The following PKNOX2 variants were observed in gnomAD, a reference collection of about 807,000 sequenced individuals.
The protein encoded by PKNOX2 is homeobox protein PKNOX2.
PKNOX2 carries 14 observed loss-of-function variants against 53.1 expected under a neutral mutation model. That is an observed-to-expected ratio of 0.26 (90% CI 0.17 to 0.41). The LOEUF (loss-of-function observed/expected upper bound fraction) is 0.41. Among genes scored for constraint, PKNOX2 ranks in the 10% least tolerant of loss-of-function variants. The pLI, the probability that PKNOX2 is intolerant of heterozygous loss-of-function variation, is 1.00. For missense variants in PKNOX2, 496 were observed against 602.8 expected (o/e 0.82, Z 1.85); for synonymous variants, 257 against 242.8 (o/e 1.06, Z -0.54).
chr11:125,242,357 G>A (rs1431688495), intron 2 of PKNOX2, among the ~76,000 whole-genome samples: 1 of 152,136 alleles, frequency 6.6e-6, no homozygotes, highest in Non-Finnish European at 1.5e-5. Flanking sequence ...ACCCCCACCT[G>A]CCCATCCACC....
chr11:125,321,864 G>A (rs1949529162), intron 2 of PKNOX2, among the ~76,000 whole-genome samples: 1 of 152,218 alleles, frequency 6.6e-6, no homozygotes, highest in Non-Finnish European at 1.5e-5. Context: ...AGCAGATTCA[G>A]TGTTTAGTGA....
intron 4 of PKNOX2, among the ~76,000 whole-genome samples, chr11:125,356,834 G>C (rs1951645768): frequency 1.3e-5 from 2 of 152,234 alleles, no homozygotes; most frequent in African/African-American, 4.8e-5. Context: ...AAAAGGGGGT[G>C]GCTGGGGCCC....
intron 3 of PKNOX2, among the ~76,000 whole-genome samples, chr11:125,350,990 C>CCTCCCCACA (rs1324793775): frequency 6.6e-6 from 1 of 152,164 alleles, no homozygotes; most frequent in African/African-American, 2.4e-5. Context: ...CTTCGTGCCC[C>CCTCCCCACA]CTCCCCACAC....
chr11:125,361,648 G>A (rs1253368592), intron 4 of PKNOX2, among the ~76,000 whole-genome samples: 2 of 152,122 alleles, frequency 1.3e-5, no homozygotes, highest in African/African-American at 2.4e-5. Context: ...TGCCATGTTG[G>A]TGTGCTGCAC....
rs1478647387 is a variant in PKNOX2 at position 125,165,773 on chromosome 11, A to C, written c.-201+997A>C. On this transcript the variant is annotated intron_variant, in intron 1 of 12. Coordinates refer to ENST00000298282, the MANE Select transcript of PKNOX2 (RefSeq NM_001382323.2). This position sits in a 1 kb window ranked among gnomAD's most constrained non-coding sequence, Gnocchi z 4.5. ...GGGAATCGGGAGCCCTTCTGGCTCG[A>C]GAACTAGGGGATGAGTTCGTAAAAG... Among the ~76,000 whole-genome samples, 4 of 152,226 alleles carry C rather than the reference A, an allele frequency of 2.6e-5. No homozygotes were observed. Among genetic ancestry groups the C allele is most frequent in the Non-Finnish European group, 5.9e-5 (4 of 68,030 alleles).
intron 1 of PKNOX2, among the ~76,000 whole-genome samples, chr11:125,213,558 C>T (rs1463277012): frequency 6.6e-6 from 1 of 152,046 alleles, no homozygotes; most frequent in Non-Finnish European, 1.5e-5. Flanking sequence ...CCTAGGCTCA[C>T]GTGCTTCTCC....
chr11:125,172,959 A>G (rs1955436972), intron 1 of PKNOX2, among the ~76,000 whole-genome samples: 1 of 152,202 alleles, frequency 6.6e-6, no homozygotes, highest in African/African-American at 2.4e-5. Context: ...GCTTCTTCAT[A>G]AAAAGCAGCA....
At chr11:125,200,309 C>T (rs1938293353) in intron 1 of PKNOX2, among the ~76,000 whole-genome samples, 1 of 152,216 alleles carries the variant, frequency 6.6e-6, no homozygotes, top group African/African-American at 2.4e-5. Context: ...ACCAGGCCAG[C>T]TTGATTTCCT....
intron 6 of PKNOX2, among the ~76,000 whole-genome samples, chr11:125,391,417 G>C (rs756289399): frequency 2.0e-5 from 3 of 152,196 alleles, no homozygotes; most frequent in Non-Finnish European, 4.4e-5. Context: ...TTTGATGGTG[G>C]AGGGAGGACC....
intron 1 of PKNOX2, chr11:125,191,061 G>A (rs997801274): frequency 6.6e-6 from 1 of 152,118 alleles, no homozygotes; most frequent in Non-Finnish European, 1.5e-5. Context: ...GTGCCTAGTA[G>A]GTATAACATA....
chr11:125,205,294 G>A (rs943312336), intron 1 of PKNOX2, among the ~76,000 whole-genome samples: 2 of 152,160 alleles, frequency 1.3e-5, no homozygotes, highest in Non-Finnish European at 2.9e-5. Context: ...CCCTTCCGGG[G>A]AGGTGGGTGG....
intron 7 of PKNOX2, 122 bp from the exon 8 acceptor site, chr11:125,410,074 G>A (rs1271174655): frequency 2.1e-5 from 29 of 1,355,208 alleles, no homozygotes; most frequent in Non-Finnish European, 2.7e-5. Flanking sequence ...CCTGGGTCTG[G>A]GGAGGAGCTA....
rs1005374200 is a variant in PKNOX2 at position 125,370,471 on chromosome 11, T to C, written c.227+2486T>C. Among the ~76,000 whole-genome samples the C allele has an allele frequency of 6.6e-6, 1 of 152,190 alleles. No individual in the cohort carries two copies. The highest frequency in any genetic ancestry group is 1.5e-5 in the Non-Finnish European group (1 of 68,026). ...TCCTACTCCCCTTCCCTCCTGGGCT[T>C]TATCTTCTCCCACCGGGCTAACCAC... On this transcript the variant is annotated intron_variant, in intron 5 of 12. Transcript: ENST00000298282. This position sits in a 1 kb window ranked among gnomAD's most constrained non-coding sequence, Gnocchi z 4.1.
At chr11:125,401,920 A>T (rs1455253511) in intron 7 of PKNOX2, among the ~76,000 whole-genome samples, 1 of 152,162 alleles carries the variant, frequency 6.6e-6, no homozygotes, top group Non-Finnish European at 1.5e-5. Context: ...CTCTGGATCA[A>T]CATTCCAGCC....
intron 2 of PKNOX2, among the ~76,000 whole-genome samples, chr11:125,308,636 G>A (rs536615934): frequency 6.6e-6 from 1 of 152,170 alleles, no homozygotes; most frequent in South Asian, 2.1e-4. Flanking sequence ...CCACTCAGGA[G>A]TTTCATAATA....
chr11:125,201,052 CT>C, intron 1 of PKNOX2, among the ~76,000 whole-genome samples: 1 of 152,324 alleles, frequency 6.6e-6, no homozygotes, highest in East Asian at 1.9e-4. Context: ...CAGATTCAGC[CT>C]GGGGCCACCT....
At chr11:125,404,627 C>T (rs1406448477) in intron 7 of PKNOX2, among the ~76,000 whole-genome samples, 1 of 147,486 alleles carries the variant, frequency 6.8e-6, no homozygotes, top group East Asian at 1.9e-4. Context: ...ACACATCACA[C>T]ACACACAAAC....
intron 2 of PKNOX2, among the ~76,000 whole-genome samples, chr11:125,250,880 CGGCAG>C (rs1943941353): frequency 6.6e-6 from 1 of 152,256 alleles, no homozygotes; most frequent in Non-Finnish European, 1.5e-5. Context: ...AACTGGAGAT[CGGCAG>C]GGCAGAATGG....
chr11:125,400,628 C>A (rs1288190163), intron 7 of PKNOX2, among the ~76,000 whole-genome samples: 1 of 152,138 alleles, frequency 6.6e-6, no homozygotes, highest in Non-Finnish European at 1.5e-5. Context: ...CCCCCACAAC[C>A]CCATCATCTC....
Sources: gnomAD v4.1 joint callset for allele counts (sites outside exome capture counted in the v4.1 genomes callset) on GRCh38, gnomAD v4.1.1 for gene constraint, Gnocchi (gnomAD v3.1) non-coding constraint, MANE v1.5 for transcripts, NCBI Gene and HGNC (gene_info 2026-07-23, HGNC 2026-07-21) for gene names.